Variants in PTPRS observed in about 807,000 individuals in gnomAD.
PTPRS encodes the protein protein tyrosine phosphatase receptor type S.
PTPRS carries 63 observed loss-of-function variants against 215.3 expected under a neutral mutation model. The ratio of observed to expected loss-of-function variants is 0.29; its 90% CI spans 0.24 to 0.36. The LOEUF (loss-of-function observed/expected upper bound fraction) is 0.36, where lower values mean the gene tolerates loss of function less well. Ranked by LOEUF, PTPRS falls within the 10% of genes least tolerant of loss-of-function variation. The probability of loss-of-function intolerance (pLI) is 1.00; values close to 1 mark genes in which losing one functional copy is unlikely to be tolerated. For synonymous variants in PTPRS, 1,404 were observed against 1,191.4 expected, an observed-to-expected ratio of 1.18 and a Z score of -3.68; for missense variants, 2,258 against 2,825.8, an observed-to-expected ratio of 0.80 and a Z score of 4.56.
intron 2 of PTPRS, chr19:5,277,678 AGCCTCCCTTCCTC>A (rs1414316346): frequency 6.4e-5 from 32 of 502,964 alleles, no homozygotes; most frequent in Non-Finnish European, 1.1e-4. Context: ...AAGGAGGAAA[AGCCTCCCTTCCTC>A]GGCGCTGCCT....
intron 1 of PTPRS, among the ~76,000 whole-genome samples, chr19:5,325,715 G>T (rs2050150374): frequency 6.6e-6 from 1 of 152,232 alleles, no homozygotes; most frequent in South Asian, 2.1e-4. Context: ...CCTCCTTCCT[G>T]CCTGCCGAGG....
At chr19:5,330,779 C>T (rs757820926) in intron 1 of PTPRS, among the ~76,000 whole-genome samples, 55 of 152,170 alleles carry the variant, frequency 3.6e-4, no homozygotes, top group Non-Finnish European at 7.5e-4. Context: ...CCAGCAGGGC[C>T]GGAGTCTGGG....
chr19:5,230,543 CA>C (rs1249720021), intron 14 of PTPRS, among the ~76,000 whole-genome samples: 1 of 152,206 alleles, frequency 6.6e-6, no homozygotes, highest in Non-Finnish European at 1.5e-5. Flanking sequence ...ATTGCAGCCT[CA>C]AACTGCTATG....
chr19:5,289,204 G>A (rs771126507), intron 1 of PTPRS, among the ~76,000 whole-genome samples: 9 of 152,088 alleles, frequency 5.9e-5, no homozygotes, highest in African/African-American at 9.7e-5. Flanking sequence ...CTGCTTCCAC[G>A]AAAACCCCAG....
chr19:5,265,996 A>C (rs2046371363), intron 4 of PTPRS, among the ~76,000 whole-genome samples: 1 of 152,188 alleles, frequency 6.6e-6, no homozygotes, highest in Non-Finnish European at 1.5e-5. Flanking sequence ...GCGGTGGCTC[A>C]TGCCTGTAAT....
rs187575149 is a variant in PTPRS, at chr19:5,206,629, C to T, written c.*145G>A. 16 of 683,480 alleles carry T rather than the reference C, an allele frequency of 2.3e-5. No homozygotes were observed. The highest frequency in any genetic ancestry group is 1.7e-4 in the East Asian group (6 of 35,148). 42.3% of individuals were successfully genotyped at this position (683,480 alleles called of 1,614,324 possible). The stretch of plus-strand genomic sequence containing the variant: ...GGTGGGGGGGCTCGAGGGGCTGCGT[C>T]GTCCTCGGAAATGGTGCAGAAACAC... On this transcript the variant is annotated 3_prime_UTR_variant, in exon 38 of 38. Transcript: ENST00000262963.
chr19:5,222,459 AAG>A (rs1428909025), intron 18 of PTPRS, among the ~76,000 whole-genome samples: 37 of 112,494 alleles, frequency 3.3e-4, no homozygotes, highest in African/African-American at 1.4e-3. Flanking sequence ...GAGGAGGAGG[AAG>A]AGGGGGGAGG....
At position 5,219,387 on chromosome 19, in the gene PTPRS, C is replaced by G; in HGVS notation, c.3846G>C (p.Gly1282=). 1 of 1,613,792 alleles carries G rather than the reference C, an allele frequency of 6.2e-7. No homozygotes were observed. Among genetic ancestry groups the G allele is most frequent in the Non-Finnish European group, 8.5e-7 (1 of 1,179,882 alleles). ...GCACAGGCCCGATCACCCAGATAAG[C>G]CCCTCCTCGCCATCCACGATGGGCT... ...DPQPIVDGEE[G]LIWVIGPVLA... is the part of the protein sequence containing the mutation. Residue 1282 remains glycine, a synonymous_variant, in exon 23 of 38, where the codon GGG becomes GGC. Coordinates refer to ENST00000262963, the MANE Select transcript of PTPRS (RefSeq NM_002850.4).
At chr19:5,267,061 A>G (rs901172449) in intron 4 of PTPRS, among the ~76,000 whole-genome samples, 1 of 152,170 alleles carries the variant, frequency 6.6e-6, no homozygotes, top group African/African-American at 2.4e-5. Flanking sequence ...TAGGAGCTCA[A>G]TCAATGAACA....
intron 17 of PTPRS, 112 bp from the exon 18 acceptor site, chr19:5,223,409 T>TA: frequency 9.0e-7 from 1 of 1,107,824 alleles, no homozygotes; most frequent in Non-Finnish European, 1.2e-6. Flanking sequence ...TTTTTTGAGT[T>TA]GGGGGGGGTC....
chr19:5,285,904 C>T (rs1328642046), intron 2 of PTPRS, 146 bp downstream of exon 2: 2 of 636,560 alleles, frequency 3.1e-6, no homozygotes, highest in Non-Finnish European at 5.6e-6. Context: ...CAGCATTCAG[C>T]CTCATTTGTG....
intron 1 of PTPRS, among the ~76,000 whole-genome samples, chr19:5,308,827 C>T (rs957272227): frequency 3.9e-5 from 6 of 152,210 alleles, no homozygotes; most frequent in Non-Finnish European, 7.3e-5. Flanking sequence ...ACCCACAATG[C>T]CTGGCCAAGC....
chr19:5,330,129 C>A (rs2050277952), intron 1 of PTPRS, among the ~76,000 whole-genome samples: 1 of 151,246 alleles, frequency 6.6e-6, no homozygotes, highest in African/African-American at 2.4e-5. Flanking sequence ...ATCAACAGAG[C>A]ATCCATCTAA....
chr19:5,236,911 G>C (rs1450017010), intron 13 of PTPRS, among the ~76,000 whole-genome samples: 1 of 150,956 alleles, frequency 6.6e-6, no homozygotes, highest in Non-Finnish European at 1.5e-5. Context: ...GCTGAGAAAG[G>C]GGGAGAAAAA....
chr19:5,319,567 C>T (rs2049970711), intron 1 of PTPRS, among the ~76,000 whole-genome samples: 1 of 152,042 alleles, frequency 6.6e-6, no homozygotes, highest in Non-Finnish European at 1.5e-5. Flanking sequence ...CTCCATAGCT[C>T]CCACCTCTCT....
At chr19:5,226,041 G>A (rs925518607) in intron 16 of PTPRS, among the ~76,000 whole-genome samples, 197 bp from the exon 17 acceptor site, 28 of 152,236 alleles carry the variant, frequency 1.8e-4, no homozygotes, top group South Asian at 8.3e-4. Flanking sequence ...CCAGCCGGAC[G>A]AGCCCATTGT....
In PTPRS at chr19:5,223,900, T is replaced by C. The variant is rs528921837; in HGVS notation, c.2495-603A>G. On this transcript the variant is annotated intron_variant, in intron 17 of 37. Transcript: ENST00000262963. ...TTTAAAAGTGGATCTCAAGGCTGGG[T>C]GTGGTGGCTCACATCTGTAAGTAAT... Among the ~76,000 whole-genome samples the C allele has an allele frequency of 5.9e-5, 9 of 151,358 alleles. No individual in the cohort carries two copies. In the South Asian group the frequency reaches 1.9e-3, roughly 32 times the overall value.
At chr19:5,335,825 C>T (rs747374894) in intron 1 of PTPRS, among the ~76,000 whole-genome samples, 1 of 152,040 alleles carries the variant, frequency 6.6e-6, no homozygotes, top group African/African-American at 2.4e-5. Context: ...AACAGGAAGC[C>T]GCACAGAAAC....
chr19:5,226,577 C>CAA lies in PTPRS; in HGVS notation c.2377-735_2377-734dup, dbSNP rs537275736. Among the ~76,000 whole-genome samples the CAA allele has an allele frequency of 2.0e-3, 214 of 106,328 alleles. 1 individual carries two copies. The highest frequency in any genetic ancestry group is 3.4e-3 in the African/African-American group (103 of 30,094). 69.8% of individuals were successfully genotyped at this position (106,328 alleles called of 152,430 possible). A position where few individuals can be genotyped will look rare whatever the true frequency, so the allele number is the denominator to read the frequency against. ...GAAACTTCGTCTCTACTAAAAATAC[C>CAA]AAAAAAAAAAAAAAAAAGCAAAAAA... On this transcript the variant is annotated intron_variant, in intron 16 of 37. Coordinates refer to ENST00000262963, the MANE Select transcript of PTPRS (RefSeq NM_002850.4).
Sources: gnomAD v4.1 joint callset for allele counts (sites outside exome capture counted in the v4.1 genomes callset) on GRCh38, gnomAD v4.1.1 for gene constraint, MANE v1.5 for transcripts, NCBI Gene and HGNC (gene_info 2026-07-23, HGNC 2026-07-21) for gene names.